The following CENPP variants were observed in gnomAD, a reference collection of about 807,000 sequenced individuals.
CENPP encodes the protein centromere protein P.
A neutral mutation model predicts 35.6 loss-of-function variants in CENPP; 24 were observed. The ratio of observed to expected loss-of-function variants is 0.67; its 90% confidence interval spans 0.49 to 0.95. CENPP has a LOEUF of 0.95. Among genes scored for constraint, CENPP ranks in the 40% least tolerant of loss-of-function variants. The probability of loss-of-function intolerance (pLI) is 0.00; values close to 1 mark genes in which losing one functional copy is unlikely to be tolerated. For missense variants in CENPP, 332 were observed against 345.3 expected (o/e 0.96, Z 0.31); for synonymous variants, 120 against 125.5 (o/e 0.96, Z 0.29).
In CENPP at chr9:92,612,880, G is replaced by A. The variant is rs1433131852; in HGVS notation, c.737-139G>A. The A allele has an allele frequency of 2.7e-5, 28 of 1,025,984 alleles. 1 individual carries two copies. The highest frequency in any genetic ancestry group is 2.9e-5 in the Non-Finnish European group (20 of 690,816). 63.6% of individuals were successfully genotyped at this position (1,025,984 alleles called of 1,614,324 possible). A position where few individuals can be genotyped will look rare whatever the true frequency, so the allele number is the denominator to read the frequency against. On this transcript the variant is annotated intron_variant, in intron 7 of 7. Transcript: ENST00000375587. ...AGGCCTCCACTCACTCCATCTCCTCGCCCGCCACTAGCATGTCCCATCCCA... is the reference window on the plus strand; with the variant it reads ...AGGCCTCCACTCACTCCATCTCCTCACCCGCCACTAGCATGTCCCATCCCA...
intron 5 of CENPP, chr9:92,502,654 T>C (rs762102025): frequency 6.4e-6 from 10 of 1,558,982 alleles, no homozygotes; most frequent in Non-Finnish European, 7.0e-6. Context: ...GTATAATTCC[T>C]ATAATTAAGA....
chr9:92,376,214 C>G (rs1322069486), intron 4 of CENPP, among the ~76,000 whole-genome samples: 2 of 152,184 alleles, frequency 1.3e-5, no homozygotes, highest in Admixed American at 6.5e-5. Context: ...ACTTTATTCC[C>G]CAAAGATTCT....
rs1270530517 is a variant in CENPP, at chr9:92,541,417, T to TC, written c.565-69893dup. On this transcript the variant is annotated intron_variant, in intron 5 of 7. Coordinates refer to ENST00000375587, the MANE Select transcript of CENPP (RefSeq NM_001012267.3). ...CCTCCACTGCCACCCCCCTTCCCCCTCCCCACCCCGCCCACACCCCCACAC... is the reference window on the plus strand; with the variant it reads ...CCTCCACTGCCACCCCCCTTCCCCCTCCCCCACCCCGCCCACACCCCCACAC... 2.4e-3 allele frequency among the ~76,000 whole-genome samples: 54 copies of TC among 22,342 alleles called. 1 individual carries two copies. Among genetic ancestry groups the TC allele is most frequent in the East Asian group, 0.01 (5 of 480 alleles). The allele number at this position is 22,342 out of a possible 152,430, so 14.7% of individuals were successfully genotyped here.
intron 4 of CENPP, among the ~76,000 whole-genome samples, chr9:92,361,337 C>T (rs534058608): frequency 9.2e-5 from 14 of 151,762 alleles, no homozygotes; most frequent in South Asian, 8.3e-4. Context: ...GACGGGGTTT[C>T]GCCGTATTGG....
chr9:92,528,961 ATATTC>A (rs1471335908), intron 5 of CENPP, among the ~76,000 whole-genome samples: 1 of 152,230 alleles, frequency 6.6e-6, no homozygotes, highest in Non-Finnish European at 1.5e-5. Flanking sequence ...CATTATACCT[ATATTC>A]TATATGTTCA....
intron 5 of CENPP, chr9:92,517,796 G>A (rs1847818404): frequency 1.9e-6 from 3 of 1,614,220 alleles, no homozygotes; most frequent in South Asian, 2.2e-5. Flanking sequence ...CTGAGCAGAG[G>A]CAGGTAGTGC....
intron 5 of CENPP, among the ~76,000 whole-genome samples, chr9:92,483,281 T>C (rs924734046): frequency 6.6e-6 from 1 of 151,010 alleles, no homozygotes; most frequent in East Asian, 1.9e-4. Context: ...CAGGCTGGAG[T>C]GCGGTGGCGC....
rs1321693516 is a variant in CENPP at position 92,426,164 on chromosome 9, G to A, written c.564+46305G>A. 2.0e-5 allele frequency among the ~76,000 whole-genome samples: 3 copies of A among 152,086 alleles called. No homozygotes were observed. The South Asian group carries it at 6.2e-4, about 32-fold the overall frequency. On this transcript the variant is annotated intron_variant, in intron 5 of 7. Coordinates refer to ENST00000375587, the MANE Select transcript of CENPP (RefSeq NM_001012267.3). ...GGGAGGTGGTGGTAGTTAGAGTCAG[G>A]CCTTAAAGGAAAAAATAGGGGATGT...
At position 92,401,415 on chromosome 9, in the gene CENPP, T is replaced by C. The variant is rs185056486; in HGVS notation, c.564+21556T>C. On this transcript the variant is annotated intron_variant, in intron 5 of 7. Coordinates refer to ENST00000375587, the MANE Select transcript of CENPP (RefSeq NM_001012267.3). ...CCTTGAGTAAAAGAACTGGGTGTTT[T>C]TATTTTTATATCGCCAGTAGCTACA... Among the ~76,000 whole-genome samples the C allele has an allele frequency of 7.2e-5, 11 of 152,358 alleles. No homozygotes were observed. The East Asian group carries it at 1.9e-3, about 27-fold the overall frequency.
At chr9:92,405,455 C>T (rs1230194426) in intron 5 of CENPP, among the ~76,000 whole-genome samples, 3 of 151,910 alleles carry the variant, frequency 2.0e-5, no homozygotes, top group East Asian at 1.9e-4. Flanking sequence ...TGTTTTAGAA[C>T]CTTTCAAATC....
intron 5 of CENPP, among the ~76,000 whole-genome samples, chr9:92,610,119 G>A (rs1211799885): frequency 1.3e-5 from 2 of 152,126 alleles, no homozygotes; most frequent in East Asian, 1.9e-4. Context: ...GCAGTGGTGC[G>A]ATCTCAGCTC....
chr9:92,451,965 C>G (rs2131023330), intron 5 of CENPP, among the ~76,000 whole-genome samples: 1 of 151,648 alleles, frequency 6.6e-6, no homozygotes, highest in Admixed American at 6.6e-5. Context: ...TGAGACTTTG[C>G]TGAAGTTGCT....
intron 4 of CENPP, among the ~76,000 whole-genome samples, chr9:92,373,629 C>T (rs1411099352): frequency 6.6e-6 from 1 of 152,024 alleles, no homozygotes; most frequent in Admixed American, 6.6e-5. Context: ...AGATCAAGAC[C>T]ATCCTGGCCA....
chr9:92,496,028 C>A, intron 5 of CENPP: 1 of 1,015,918 alleles, frequency 9.8e-7, no homozygotes, highest in Non-Finnish European at 1.2e-6. Flanking sequence ...TTATTTTGTT[C>A]CAGACTCTTC....
chr9:92,364,701 T>G (rs189685401), intron 4 of CENPP, among the ~76,000 whole-genome samples: 8 of 152,384 alleles, frequency 5.2e-5, no homozygotes, highest in Admixed American at 5.2e-4. Context: ...TACTTTGCAT[T>G]GTATTAGTCT....
intron 5 of CENPP, among the ~76,000 whole-genome samples, chr9:92,572,161 T>C (rs1850159924): frequency 6.6e-6 from 1 of 152,118 alleles, no homozygotes; most frequent in South Asian, 2.1e-4. Flanking sequence ...TGCTGGTGAG[T>C]TGATGCAGTT....
intron 5 of CENPP, chr9:92,401,315 T>G: frequency 1.9e-6 from 1 of 523,396 alleles, no homozygotes; most frequent in Non-Finnish European, 3.4e-6. Flanking sequence ...TAGGCTTTCA[T>G]ACATATTTCC....
At chr9:92,510,015 C>G (rs41278707) in intron 5 of CENPP, 2 of 1,601,214 alleles carry the variant, frequency 1.2e-6, no homozygotes, top group Admixed American at 3.6e-5. Context: ...CATATTCAAA[C>G]GCATTAACTT....
At chr9:92,502,794 TTTAAG>T (rs2131159228) in intron 5 of CENPP, 1 of 760,228 alleles carries the variant, frequency 1.3e-6, no homozygotes, top group Non-Finnish European at 1.9e-6. Flanking sequence ...AGCTCATATT[TTTAAG>T]TTGTCTTTTT....
Sources: gnomAD v4.1 joint callset for allele counts (sites outside exome capture counted in the v4.1 genomes callset) on GRCh38, gnomAD v4.1.1 for gene constraint, MANE v1.5 for transcripts, NCBI Gene and HGNC (gene_info 2026-07-23, HGNC 2026-07-21) for gene names.